Variants in VCAN observed in about 807,000 individuals in gnomAD.
The protein encoded by VCAN is versican core protein.
A neutral mutation model predicts 245.5 loss-of-function variants in VCAN; 44 were observed. The ratio of observed to expected loss-of-function variants is 0.18; its 90% CI spans 0.14 to 0.23. The LOEUF (loss-of-function observed/expected upper bound fraction) is 0.23, where lower values mean the gene tolerates loss of function less well. Ranked by LOEUF, VCAN falls within the 10% of genes least tolerant of loss-of-function variation. The probability of loss-of-function intolerance (pLI) is 1.00; values close to 1 mark genes in which losing one functional copy is unlikely to be tolerated. For synonymous variants in VCAN, 1,413 were observed against 1,437.0 expected (o/e 0.98, Z 0.38); for missense variants, 3,793 against 4,057.9 (o/e 0.93, Z 1.77).
chr5:83,519,421 A>G lies in VCAN; in HGVS notation c.1115A>G (p.Gln372Arg). ...TCACCCAGTTTATCCAAAGAACCAC[A>G]AATGGTTTCTGATAGAACTACACCA... ...TASPSLSKEP[Q>R]MVSDRTTPII... The change falls in exon 7 of 15, where the codon CAA becomes CGA. Residue 372 changes from glutamine to arginine, a missense_variant. This residue lies in a region of VCAN where 3,182 missense variants were observed against 3,250.3 expected (regional missense o/e 0.98). Transcript: ENST00000265077. 6.2e-7 allele frequency: 1 copy of G among 1,614,134 alleles called. No homozygotes were observed. Among genetic ancestry groups the G allele is most frequent in the South Asian group, 1.1e-5 (1 of 91,082 alleles).
intron 12 of VCAN, among the ~76,000 whole-genome samples, chr5:83,566,703 A>G (rs1020544992): frequency 1.3e-5 from 2 of 152,152 alleles, no homozygotes; most frequent in Admixed American, 6.5e-5. Flanking sequence ...TCTGAGATAC[A>G]TGGAATTGAG....
chr5:83,549,675 A>T (rs143761663), intron 10 of VCAN, among the ~76,000 whole-genome samples: 1 of 152,162 alleles, frequency 6.6e-6, no homozygotes, highest in Non-Finnish European at 1.5e-5. Context: ...TGAAAGTAAA[A>T]AGTGTTAATT....
At chr5:83,523,995 G>C (rs965069021) in intron 7 of VCAN, among the ~76,000 whole-genome samples, 1 of 152,112 alleles carries the variant, frequency 6.6e-6, no homozygotes, top group African/African-American at 2.4e-5. Flanking sequence ...TATGCAGATT[G>C]TTTTTCAATT....
intron 5 of VCAN, among the ~76,000 whole-genome samples, chr5:83,497,522 A>G (rs139755866): frequency 2.0e-3 from 302 of 152,306 alleles, no homozygotes; most frequent in African/African-American, 6.9e-3. Flanking sequence ...AAACATTTCA[A>G]TATCAGCTCG....
At position 83,538,457 on chromosome 5, in the gene VCAN, G is replaced by A. The variant is rs771775842; in HGVS notation, c.5454G>A (p.Gln1818=). 1.9e-6 allele frequency: 3 copies of A among 1,613,984 alleles called. No individual in the cohort carries two copies. The highest frequency in any genetic ancestry group is 4.5e-5 in the East Asian group (2 of 44,860). ...EHSSIHQPGV[Q]EGLTTLPRSP... is the part of the protein sequence containing the mutation. ...GCAGTATCCATCAACCTGGGGTTCA[G>A]GAAGGGCTGACCACTCTCCCACGTA... The change falls in exon 8 of 15, where the codon CAG becomes CAA. Residue 1818 remains glutamine, a synonymous_variant. Coordinates refer to ENST00000265077, the MANE Select transcript of VCAN (RefSeq NM_004385.5).
intron 8 of VCAN, among the ~76,000 whole-genome samples, chr5:83,544,757 C>T (rs1242146082): frequency 6.6e-6 from 1 of 152,066 alleles, no homozygotes; most frequent in African/African-American, 2.4e-5. Flanking sequence ...AAAGTGTTTG[C>T]ACTTAGAAAA....
Position 83,521,158 on chromosome 5 carries a change from G to T in VCAN, c.2852G>T (p.Gly951Val). 1 of 1,613,774 alleles carries T rather than the reference G, an allele frequency of 6.2e-7. No individual in the cohort carries two copies. The highest frequency in any genetic ancestry group is 1.1e-5 in the South Asian group (1 of 91,028). ...PQFAHTSEVEGLAFVSYSSTQ... is the reference protein window; with the variant it reads ...PQFAHTSEVEVLAFVSYSSTQ... ...TTTGCACACACTTCAGAGGTGGAAG[G>T]ATTAGCATTTGTTAGTTATAGTAGC... Residue 951 changes from glycine to valine, a missense_variant, in exon 7 of 15, where the codon GGA becomes GTA. Physicochemically the swap from Gly to Val is moderately radical, Grantham distance 109. Coordinates refer to ENST00000265077, the MANE Select transcript of VCAN (RefSeq NM_004385.5).
intron 5 of VCAN, among the ~76,000 whole-genome samples, chr5:83,503,163 T>C (rs1249356243): frequency 6.6e-6 from 1 of 152,144 alleles, no homozygotes; most frequent in Non-Finnish European, 1.5e-5. Flanking sequence ...TAAGCATTAG[T>C]TTTTCCTGCT....
intron 2 of VCAN, among the ~76,000 whole-genome samples, chr5:83,483,944 C>A (rs567849991): frequency 1.3e-5 from 2 of 152,198 alleles, no homozygotes; most frequent in East Asian, 3.9e-4. Flanking sequence ...ACCCAGTGGG[C>A]TAGAATTTGA....
At position 83,510,795 on chromosome 5, in the gene VCAN, TAAAC is replaced by T. The variant is rs994485659; in HGVS notation, c.749-1304_749-1301del. Among the ~76,000 whole-genome samples, 5 of 152,302 alleles carry T rather than the reference TAAAC, an allele frequency of 3.3e-5. No individual in the cohort carries two copies. The South Asian group carries it at 8.3e-4, about 25-fold the overall frequency. On this transcript the variant is annotated intron_variant, in intron 5 of 14. Coordinates refer to ENST00000265077, the MANE Select transcript of VCAN (RefSeq NM_004385.5). ...ACCCTCTGCTAATTAGACTTGGTAA[TAAAC>T]AAAGCAACTGTCCAGCCTTTTCTTG...
At chr5:83,543,131 A>G (rs1747067464) in intron 8 of VCAN, among the ~76,000 whole-genome samples, 1 of 152,206 alleles carries the variant, frequency 6.6e-6, no homozygotes, top group Non-Finnish European at 1.5e-5. Flanking sequence ...GTTTCAGTAT[A>G]GTATAAAAAT....
intron 5 of VCAN, among the ~76,000 whole-genome samples, chr5:83,505,063 C>T (rs1169315552): frequency 1.3e-5 from 2 of 152,124 alleles, no homozygotes; most frequent in African/African-American, 2.4e-5. Context: ...GGGTCCCTCC[C>T]ACAACACATG....
chr5:83,534,873 G>A (rs1193352), intron 7 of VCAN, among the ~76,000 whole-genome samples: 100,339 of 151,310 alleles, frequency 0.66, 33,667 homozygotes, highest in African/African-American at 0.76. Context: ...ATAGCACAAA[G>A]TTTACCTTCA....
Position 83,521,954 on chromosome 5 carries a change from A to G in VCAN, c.3648A>G (p.Arg1216=). 1 of 1,614,182 alleles carries G rather than the reference A, an allele frequency of 6.2e-7. No individual in the cohort carries two copies. Among genetic ancestry groups the G allele is most frequent in the Non-Finnish European group, 8.5e-7 (1 of 1,180,024 alleles). ...CCACTGCCTTCAGTTCAGTAGACAG[A>G]CTTCACACAACTTCAGCATTCAAGC... ...DITTAFSSVD[R]LHTTSAFKPS... is the part of the protein sequence containing the mutation. Residue 1216 remains arginine (R), a synonymous_variant, in exon 7 of 15, where the codon AGA becomes AGG. Transcript: ENST00000265077.
In VCAN at chr5:83,521,323, T is replaced by C; in HGVS notation, c.3017T>C (p.Val1006Ala). ...GGTGAACCCTCTCAAGACATACTTG[T>C]CATTGATCAGACTCGCCTTGAAGCG... ...VLGEPSQDILVIDQTRLEATI... is the reference protein window; with the variant it reads ...VLGEPSQDILAIDQTRLEATI... The change falls in exon 7 of 15, where the codon GTC becomes GCC. Residue 1006 changes from valine to alanine, a missense_variant. Val to Ala is a moderately conservative substitution (Grantham distance 64). Transcript: ENST00000265077. The C allele has an allele frequency of 6.2e-7, 1 of 1,614,112 alleles. No individual in the cohort carries two copies. The highest frequency in any genetic ancestry group is 1.3e-5 in the African/African-American group (1 of 75,046).
At chr5:83,499,524 A>C (rs1745265880) in intron 5 of VCAN, among the ~76,000 whole-genome samples, 1 of 152,208 alleles carries the variant, frequency 6.6e-6, no homozygotes, top group Non-Finnish European at 1.5e-5. Flanking sequence ...TACCAAATTC[A>C]AAAAGATCTA....
At position 83,565,313 on chromosome 5, in the gene VCAN, A is replaced by G. The variant is rs143442395; in HGVS notation, c.9736-7103A>G. On this transcript the variant is annotated intron_variant, in intron 12 of 14. Coordinates refer to ENST00000265077, the MANE Select transcript of VCAN (RefSeq NM_004385.5). ...TGGCAGGAAATTATCTGCTACACAG[A>G]TGTGTATGAATGGAAGCATTACCAA... Among the ~76,000 whole-genome samples, 5 of 152,198 alleles carry G rather than the reference A, an allele frequency of 3.3e-5. No homozygotes were observed. In the East Asian group the frequency reaches 5.8e-4, roughly 18 times the overall value.
chr5:83,512,497 C>G, intron 6 of VCAN, 101 bp downstream of exon 6: 1 of 1,380,816 alleles, frequency 7.2e-7, no homozygotes. Context: ...CCATGTCTTG[C>G]AGTGTGTGCA....
rs201704138 is a variant in VCAN at position 83,538,543 on chromosome 5, C to A, written c.5540C>A (p.Thr1847Asn). ...GAAGCTGCTGCCGACCCAGAAACCA[C>A]CACTGTTTCTTCATTTTCATTAAAC... ...SGEAAADPET[T>N]TVSSFSLNVE... The change falls in exon 8 of 15, where the codon ACC (threonine) becomes AAC (asparagine). Residue 1847 changes from threonine to asparagine, a missense_variant. Physicochemically the swap from Thr to Asn is moderately conservative, Grantham distance 65 (BLOSUM62 0). Coordinates refer to ENST00000265077, the MANE Select transcript of VCAN (RefSeq NM_004385.5). 33 of 1,613,930 alleles carry A rather than the reference C, an allele frequency of 2.0e-5. No homozygotes were observed. In the Admixed American group the frequency reaches 5.2e-4, roughly 25 times the overall value.
Sources: gnomAD v4.1 joint callset for allele counts (sites outside exome capture counted in the v4.1 genomes callset) on GRCh38, gnomAD v4.1.1 for gene constraint, gnomAD v4.1.1 regional missense constraint, MANE v1.5 for transcripts, NCBI Gene and HGNC (gene_info 2026-07-23, HGNC 2026-07-21) for gene names.